Variants in AGMO observed in about 807,000 individuals in gnomAD.
AGMO encodes the protein alkylglycerol monooxygenase, also known as glyceryl-ether monooxygenase.
A neutral mutation model predicts 60.2 loss-of-function variants in AGMO; 75 were observed. The observed-to-expected ratio is 1.25, with a 90% CI of 1.03 to 1.51. AGMO has a LOEUF of 1.51. Ranked by LOEUF, AGMO falls within the 40% of genes most tolerant of loss-of-function variation. AGMO has a pLI of 0.00. For synonymous variants in AGMO, 261 were observed against 177.1 expected (o/e 1.47, Z -3.76); for missense variants, 763 against 525.5 (o/e 1.45, Z -4.42).
intron 12 of AGMO, among the ~76,000 whole-genome samples, chr7:15,286,820 A>T (rs886829464): frequency 1.3e-5 from 2 of 152,200 alleles, no homozygotes; most frequent in African/African-American, 4.8e-5. Context: ...TATGGAACCA[A>T]TCTAAGTACC....
chr7:15,223,108 T>C (rs553183933), intron 12 of AGMO, among the ~76,000 whole-genome samples: 1 of 152,102 alleles, frequency 6.6e-6, no homozygotes, highest in Non-Finnish European at 1.5e-5. Context: ...TATGTGTAGA[T>C]AAATCATAAC....
At chr7:15,547,536 G>A (rs1000769484) in intron 2 of AGMO, among the ~76,000 whole-genome samples, 1 of 151,962 alleles carries the variant, frequency 6.6e-6, no homozygotes, top group East Asian at 1.9e-4. Context: ...TTCCCTTTCC[G>A]AGTCAAAGAA....
chr7:15,478,476 C>T (rs781383515), intron 3 of AGMO, among the ~76,000 whole-genome samples: 12 of 152,078 alleles, frequency 7.9e-5, no homozygotes, highest in African/African-American at 1.4e-4. Flanking sequence ...GTAAAGTGAT[C>T]GCTGAAGCAA....
intron 12 of AGMO, among the ~76,000 whole-genome samples, chr7:15,347,083 C>A (rs894982392): frequency 7.2e-5 from 11 of 151,910 alleles, no homozygotes; most frequent in Non-Finnish European, 1.5e-4. Flanking sequence ...TAAAATGAAT[C>A]AAACTTTAAA....
rs1337938120 is a variant in AGMO at position 15,365,634 on chromosome 7, C to G, written c.1158-15G>C. On this transcript the variant is annotated splice_polypyrimidine_tract_variant and intron_variant, in intron 11 of 12. Coordinates refer to ENST00000342526, the MANE Select transcript of AGMO (RefSeq NM_001004320.2). ...CTGCCTTGGGTCTGAAATAAAATGT[C>G]ATTAACATGCATTAGCTTTAAATAT... 2.0e-6 allele frequency: 3 copies of G among 1,521,876 alleles called. No homozygotes were observed. The East Asian group carries it at 6.8e-5, about 34-fold the overall frequency. The allele number at this position is 1,521,876 out of a possible 1,614,324, so 94.3% of individuals were successfully genotyped here.
chr7:15,309,319 G>T (rs1464013792), intron 12 of AGMO, among the ~76,000 whole-genome samples: 2 of 152,084 alleles, frequency 1.3e-5, no homozygotes, highest in East Asian at 3.9e-4. Context: ...TTTTTGAGTA[G>T]GTACCAATAA....
intron 9 of AGMO, among the ~76,000 whole-genome samples, chr7:15,386,728 T>C (rs926337755): frequency 9.9e-5 from 15 of 152,192 alleles, no homozygotes; most frequent in African/African-American, 2.4e-4. Context: ...ACTCTTCCTA[T>C]TGTTTCTGCA....
intron 12 of AGMO, among the ~76,000 whole-genome samples, chr7:15,216,817 A>G (rs1781750805): frequency 6.8e-6 from 1 of 146,142 alleles, no homozygotes; most frequent in African/African-American, 2.5e-5. Flanking sequence ...AGTGCAAGAA[A>G]CAAAGTGAAA....
At chr7:15,190,753 T>G in the AGMO span, among the ~76,000 whole-genome samples, 1 of 152,132 alleles carries the variant, frequency 6.6e-6, no homozygotes, top group Non-Finnish European at 1.5e-5. Context: ...TTTATTACTT[T>G]AAAATATAGA....
At chr7:15,249,775 G>T (rs1782878426) in intron 12 of AGMO, among the ~76,000 whole-genome samples, 1 of 152,238 alleles carries the variant, frequency 6.6e-6, no homozygotes, top group African/African-American at 2.4e-5. Context: ...GTCATGTCTG[G>T]GAGATGGGTA....
chr7:15,480,962 T>A, intron 3 of AGMO, among the ~76,000 whole-genome samples: 2 of 151,756 alleles, frequency 1.3e-5, no homozygotes, highest in African/African-American at 4.9e-5. Flanking sequence ...TGTTCAAGCA[T>A]AATTAATGTA....
At chr7:15,459,599 T>TTGTGTGTGTGTGTGTGTGTGTGTGTGTG (rs754526222) in intron 3 of AGMO, among the ~76,000 whole-genome samples, 2,579 of 142,158 alleles carry the variant, frequency 0.018, 67 homozygotes, top group Non-Finnish European at 0.021. Flanking sequence ...GTATGTGCGT[T>TTGTGTGTGTGTGTGTGTGTGTGTGTGTG]TGTGTGTGTG....
the AGMO span, among the ~76,000 whole-genome samples, chr7:15,155,318 A>G: frequency 2.0e-5 from 3 of 147,424 alleles, no homozygotes; most frequent in East Asian, 4.0e-4. Flanking sequence ...CTTTATTTTT[A>G]TCTGCCTATG....
At chr7:15,278,512 T>C (rs973562542) in intron 12 of AGMO, among the ~76,000 whole-genome samples, 1 of 152,000 alleles carries the variant, frequency 6.6e-6, no homozygotes, top group African/African-American at 2.4e-5. Context: ...GATGGGTGAC[T>C]GGCCTCTAGG....
chr7:15,404,320 A>C (rs1022577995), intron 5 of AGMO, among the ~76,000 whole-genome samples: 1 of 151,968 alleles, frequency 6.6e-6, no homozygotes, highest in African/African-American at 2.4e-5. Flanking sequence ...TCAAACAAAA[A>C]GACAAGAGCA....
At chr7:15,320,035 T>C (rs1466824976) in intron 12 of AGMO, among the ~76,000 whole-genome samples, 1 of 151,836 alleles carries the variant, frequency 6.6e-6, no homozygotes, top group Non-Finnish European at 1.5e-5. Context: ...CCGCATGTTG[T>C]TCTCACTCAT....
chr7:15,171,694 G>A, the AGMO span, among the ~76,000 whole-genome samples: 124 of 152,222 alleles, frequency 8.1e-4, no homozygotes, highest in Admixed American at 1.4e-3. Flanking sequence ...TGGCTGTCTA[G>A]TATTATACCA....
chr7:15,229,831 CTAA>C (rs1222379885), intron 12 of AGMO, among the ~76,000 whole-genome samples: 6 of 149,724 alleles, frequency 4.0e-5, no homozygotes, highest in Non-Finnish European at 8.9e-5. Flanking sequence ...CTCACATCTC[CTAA>C]TAAGATATTT....
Position 15,407,082 on chromosome 7 carries a change from A to G in AGMO, c.609+11476T>C, listed in dbSNP as rs1011465568. ...ATATATATGTATTCCATATGTGTAT[A>G]TATACACATATATACATATATGTGT... On this transcript the variant is annotated intron_variant, in intron 5 of 12. Coordinates refer to ENST00000342526, the MANE Select transcript of AGMO (RefSeq NM_001004320.2). 2.1e-5 allele frequency among the ~76,000 whole-genome samples: 3 copies of G among 145,112 alleles called. No individual in the cohort carries two copies. In the Admixed American group the frequency reaches 2.1e-4, roughly 10 times the overall value.
Sources: allele counts gnomAD v4.1 joint callset (sites outside exome capture counted in the v4.1 genomes callset), GRCh38; gene constraint gnomAD v4.1.1; transcripts MANE v1.5; gene names NCBI Gene and HGNC (gene_info 2026-07-23, HGNC 2026-07-21).